The following SCAF8 variants were observed in gnomAD, a reference collection of about 807,000 sequenced individuals.
The protein encoded by SCAF8 is SR-related CTD associated factor 8, also known as SR-related and CTD-associated factor 8.
Under a neutral mutation model 140.5 loss-of-function variants are expected in SCAF8, and 23 were observed. The observed-to-expected ratio is 0.16, with a 90% CI of 0.12 to 0.23. The LOEUF (loss-of-function observed/expected upper bound fraction) is 0.23, where lower values mean the gene tolerates loss of function less well. SCAF8 is among the 10% of genes least tolerant of loss of function. The pLI is 1.00. For synonymous variants in SCAF8, 575 were observed against 528.9 expected (o/e 1.09, Z -1.20); for missense variants, 1,397 against 1,555.7 (o/e 0.90, Z 1.72).
chr6:154,773,984 A>G lies in SCAF8; in HGVS notation c.31-5A>G. On this transcript the variant is annotated splice_region_variant and splice_polypyrimidine_tract_variant and intron_variant, in intron 1 of 19. Transcript: ENST00000367178. ...CTGTATGTAAATTTGTTCTTTTTTC[A>G]TCAGTTGTATTCCCTGAATGACTAT... The G allele has an allele frequency of 1.3e-6, 2 of 1,596,544 alleles. No individual in the cohort carries two copies. The highest frequency in any genetic ancestry group is 8.6e-7 in the Non-Finnish European group (1 of 1,168,408).
intron 9 of SCAF8, among the ~76,000 whole-genome samples, chr6:154,805,880 A>G (rs1445912201): frequency 2.0e-5 from 3 of 152,184 alleles, no homozygotes; most frequent in African/African-American, 7.2e-5. Flanking sequence ...GTTAATGGTG[A>G]CAATGATGAT....
Position 154,833,205 on chromosome 6 carries a change from A to T in SCAF8, c.3626A>T (p.Asp1209Val). 1 of 1,614,086 alleles carries T rather than the reference A, an allele frequency of 6.2e-7. No homozygotes were observed. Among genetic ancestry groups the T allele is most frequent in the Non-Finnish European group, 8.5e-7 (1 of 1,180,002 alleles). ...GGGGCCACTTCTCAACGAAAAGGTG[A>T]TAATGTGCCTCAGGTTAATGGTGAA... ...FEGATSQRKG[D>V]NVPQVNGENT... Residue 1209 changes from aspartate to valine, a missense_variant, in exon 20 of 20, where the codon GAT becomes GTT. Asp to Val is a radical substitution (Grantham distance 152). Transcript: ENST00000367178.
chr6:154,750,054 CA>C (rs1778800874), intron 1 of SCAF8, among the ~76,000 whole-genome samples: 1 of 149,216 alleles, frequency 6.7e-6, no homozygotes, highest in Non-Finnish European at 1.5e-5. Context: ...AGTATGGTAC[CA>C]GTCACTAAGA....
At chr6:154,744,304 G>T (rs986481771) in intron 1 of SCAF8, among the ~76,000 whole-genome samples, 4 of 151,920 alleles carry the variant, frequency 2.6e-5, no homozygotes, top group Non-Finnish European at 5.9e-5. Context: ...TGTGGGTGGG[G>T]GTTGGTGAGG....
intron 1 of SCAF8, among the ~76,000 whole-genome samples, chr6:154,760,534 C>G (rs1339597767): frequency 6.6e-6 from 1 of 152,146 alleles, no homozygotes; most frequent in Non-Finnish European, 1.5e-5. Context: ...GTATCGCACA[C>G]TCTTCACCAC....
At chr6:154,778,310 G>C (rs979433719) in intron 3 of SCAF8, among the ~76,000 whole-genome samples, 1 of 152,236 alleles carries the variant, frequency 6.6e-6, no homozygotes, top group Non-Finnish European at 1.5e-5. Flanking sequence ...GATTCAGCAA[G>C]GTTGCAGTGT....
chr6:154,767,529 C>CTTTTTTTTTTTTTTTTTTT (rs71021076), intron 1 of SCAF8, among the ~76,000 whole-genome samples: 1 of 91,036 alleles, frequency 1.1e-5, no homozygotes, highest in Non-Finnish European at 2.2e-5. Flanking sequence ...CTTCTGTTAT[C>CTTTTTTTTTTTTTTTTTTT]TTTTTTTTTT....
intron 13 of SCAF8, among the ~76,000 whole-genome samples, chr6:154,816,261 C>T (rs1354360719): frequency 6.6e-6 from 1 of 152,222 alleles, no homozygotes; most frequent in Non-Finnish European, 1.5e-5. Context: ...CTCACTCTCT[C>T]ACCCTCTCGT....
intron 18 of SCAF8, among the ~76,000 whole-genome samples, chr6:154,828,184 A>T (rs910079908): frequency 6.6e-6 from 1 of 152,164 alleles, no homozygotes; most frequent in African/African-American, 2.4e-5. Flanking sequence ...TCTACTTTTT[A>T]TTAGTTGCAG....
chr6:154,747,274 G>C (rs1778723832), intron 1 of SCAF8, among the ~76,000 whole-genome samples: 1 of 152,150 alleles, frequency 6.6e-6, no homozygotes, highest in Non-Finnish European at 1.5e-5. Context: ...AGCGCTTTGG[G>C]AGGCTGAGGC....
intron 7 of SCAF8, among the ~76,000 whole-genome samples, chr6:154,802,801 C>T (rs979803095): frequency 2.0e-5 from 3 of 151,930 alleles, no homozygotes; most frequent in Admixed American, 6.6e-5. Flanking sequence ...TAATTTGGAC[C>T]TGCAAAAATT....
chr6:154,758,577 T>G (rs1320668887), intron 1 of SCAF8, among the ~76,000 whole-genome samples: 2 of 152,202 alleles, frequency 1.3e-5, no homozygotes, highest in Non-Finnish European at 1.5e-5. Context: ...TTTCTCTTTC[T>G]AGGATTCCCA....
chr6:154,752,162 C>A (rs978717153), intron 1 of SCAF8, among the ~76,000 whole-genome samples: 3 of 152,078 alleles, frequency 2.0e-5, no homozygotes, highest in Admixed American at 1.3e-4. Flanking sequence ...CTCTAGAGGC[C>A]TTTTAAAGCC....
At chr6:154,754,283 C>T (rs1345859140) in intron 1 of SCAF8, among the ~76,000 whole-genome samples, 5 of 152,130 alleles carry the variant, frequency 3.3e-5, no homozygotes, top group African/African-American at 1.2e-4. Context: ...GACTCAAAAG[C>T]TTTATAATCT....
At chr6:154,813,605 A>G (rs1304084640) in intron 12 of SCAF8, among the ~76,000 whole-genome samples, 1 of 152,174 alleles carries the variant, frequency 6.6e-6, no homozygotes, top group East Asian at 1.9e-4. Context: ...TAGATTGGAT[A>G]ATGGCCCCCT....
At chr6:154,751,638 A>G (rs765235170) in intron 1 of SCAF8, among the ~76,000 whole-genome samples, 1 of 152,212 alleles carries the variant, frequency 6.6e-6, no homozygotes, top group Non-Finnish European at 1.5e-5. Context: ...TACTAGGTGC[A>G]CATAGTTAGT....
intron 4 of SCAF8, among the ~76,000 whole-genome samples, chr6:154,790,118 A>G (rs1777370836): frequency 6.6e-6 from 1 of 152,202 alleles, no homozygotes; most frequent in African/African-American, 2.4e-5. Flanking sequence ...AGAGTAGATT[A>G]ACATTGTAAT....
intron 14 of SCAF8, among the ~76,000 whole-genome samples, chr6:154,819,877 T>A (rs1212831105): frequency 6.6e-6 from 1 of 152,014 alleles, no homozygotes; most frequent in Non-Finnish European, 1.5e-5. Context: ...CAGTCCCAGC[T>A]GCTGCAGGGC....
At position 154,766,828 on chromosome 6, in the gene SCAF8, G is replaced by A. The variant is rs189252368; in HGVS notation, c.31-7161G>A. Among the ~76,000 whole-genome samples, 1,147 of 152,070 alleles carry A rather than the reference G, an allele frequency of 7.5e-3. 5 individuals carry two copies. The highest frequency in any genetic ancestry group is 0.012 in the Non-Finnish European group (782 of 67,986). Reference sequence around the variant, plus strand: ...TTTCAAAGCTTTTTTTGTGGCAGTGGTGGCATCTTCAGTGGTATAATACTT... The same window carrying A: ...TTTCAAAGCTTTTTTTGTGGCAGTGATGGCATCTTCAGTGGTATAATACTT... On this transcript the variant is annotated intron_variant, in intron 1 of 19. Transcript: ENST00000367178.
Sources: allele counts gnomAD v4.1 joint callset (sites outside exome capture counted in the v4.1 genomes callset), GRCh38; gene constraint gnomAD v4.1.1; transcripts MANE v1.5; gene names NCBI Gene and HGNC (gene_info 2026-07-23, HGNC 2026-07-21).